MAP3K7CL: variants seen among roughly 807,000 people sequenced by gnomAD.
MAP3K7CL encodes the protein MAP3K7 C-terminal-like protein.
Under a neutral mutation model 18.6 loss-of-function variants are expected in MAP3K7CL, and 16 were observed. That is an observed-to-expected ratio of 0.86 (90% CI 0.58 to 1.31). The LOEUF (loss-of-function observed/expected upper bound fraction) is 1.31. Ranked by LOEUF, MAP3K7CL falls within the 50% of genes most tolerant of loss-of-function variation. The pLI is 0.00. For synonymous variants in MAP3K7CL, 65 were observed against 66.8 expected, an observed-to-expected ratio of 0.97 and a Z score of 0.13; for missense variants, 163 against 174.4, an observed-to-expected ratio of 0.93 and a Z score of 0.37.
At chr21:29,108,214 T>C (rs2086357292) in intron 4 of MAP3K7CL, among the ~76,000 whole-genome samples, 1 of 152,156 alleles carries the variant, frequency 6.6e-6, no homozygotes, top group African/African-American at 2.4e-5. Context: ...CCTGATCAGA[T>C]AGGCTTAGTG....
chr21:29,147,374 GT>G (rs1192983590), intron 2 of MAP3K7CL, among the ~76,000 whole-genome samples: 2 of 151,786 alleles, frequency 1.3e-5, no homozygotes, highest in South Asian at 2.1e-4. Flanking sequence ...TGTATGTACT[GT>G]ATATGTATAT....
intron 4 of MAP3K7CL, among the ~76,000 whole-genome samples, chr21:29,113,023 A>C (rs973912638): frequency 2.0e-5 from 3 of 152,082 alleles, no homozygotes; most frequent in African/African-American, 7.2e-5. Flanking sequence ...TGGCCAGGCT[A>C]GTCTCAAACT....
intron 4 of MAP3K7CL, among the ~76,000 whole-genome samples, chr21:29,095,382 T>G (rs879651037): frequency 5.3e-5 from 8 of 152,198 alleles, no homozygotes; most frequent in Non-Finnish European, 1.2e-4. Context: ...GGGCTCATTT[T>G]TCTTGCCTGT....
intron 4 of MAP3K7CL, among the ~76,000 whole-genome samples, chr21:29,110,436 G>A (rs944178901): frequency 6.6e-6 from 1 of 150,748 alleles, no homozygotes; most frequent in Non-Finnish European, 1.5e-5. Flanking sequence ...TCTATCTGTT[G>A]CCCAGGCTGC....
intron 4 of MAP3K7CL, among the ~76,000 whole-genome samples, chr21:29,105,820 G>A (rs1157379282): frequency 2.0e-5 from 3 of 152,082 alleles, no homozygotes; most frequent in African/African-American, 7.2e-5. Context: ...GTTGATGCTT[G>A]GATAGAAAAA....
intron 2 of MAP3K7CL, among the ~76,000 whole-genome samples, chr21:29,134,358 T>A (rs1321178188): frequency 6.6e-6 from 1 of 151,788 alleles, no homozygotes; most frequent in Non-Finnish European, 1.5e-5. Context: ...ATCTCTATTT[T>A]AAAAAAAGTA....
At chr21:29,111,101 A>G (rs2086411528) in intron 4 of MAP3K7CL, among the ~76,000 whole-genome samples, 1 of 151,982 alleles carries the variant, frequency 6.6e-6, no homozygotes, top group Admixed American at 6.6e-5. Flanking sequence ...CTAAATATAC[A>G]AAAACTTAGC....
intron 4 of MAP3K7CL, among the ~76,000 whole-genome samples, chr21:29,120,670 T>TTTTCTTTC (rs140249328): frequency 6.6e-6 from 1 of 150,516 alleles, no homozygotes; most frequent in South Asian, 2.1e-4. Flanking sequence ...CTTTCTTTCT[T>TTTTCTTTC]TTTCTTTCTT....
intron 4 of MAP3K7CL, chr21:29,122,108 T>C (rs529310411): frequency 6.6e-6 from 1 of 152,386 alleles, no homozygotes; most frequent in Admixed American, 6.5e-5. Flanking sequence ...TGTAGTTAAG[T>C]TGTAAAACAG....
intron 4 of MAP3K7CL, among the ~76,000 whole-genome samples, chr21:29,115,708 G>A (rs1339297058): frequency 6.6e-6 from 1 of 152,134 alleles, no homozygotes; most frequent in Non-Finnish European, 1.5e-5. Flanking sequence ...TGAAAATGCT[G>A]GGCCCCTTGT....
At chr21:29,148,282 T>C (rs994835276) in intron 2 of MAP3K7CL, among the ~76,000 whole-genome samples, 1 of 152,106 alleles carries the variant, frequency 6.6e-6, no homozygotes, top group African/African-American at 2.4e-5. Flanking sequence ...ACCTTTACTG[T>C]ACATATATGT....
chr21:29,085,349 T>A (rs1440169986), upstream of MAP3K7CL, among the ~76,000 whole-genome samples: 1 of 152,100 alleles, frequency 6.6e-6, no homozygotes, highest in Non-Finnish European at 1.5e-5. Flanking sequence ...CACGTAGCCG[T>A]GTATTATGCT....
intron 4 of MAP3K7CL, among the ~76,000 whole-genome samples, chr21:29,167,693 A>ATT (rs35549023): frequency 2.9e-4 from 31 of 107,486 alleles, no homozygotes; most frequent in Non-Finnish European, 3.9e-4. Flanking sequence ...AGAAGGACCA[A>ATT]TTTTTTTTTT....
chr21:29,085,108 C>G (rs932002814), upstream of MAP3K7CL: 15 of 152,176 alleles, frequency 9.9e-5, no homozygotes, highest in African/African-American at 3.4e-4. Context: ...CGGGGTCCTT[C>G]TGGACTGAGA....
At chr21:29,099,572 C>G (rs1198481474) in intron 4 of MAP3K7CL, among the ~76,000 whole-genome samples, 2 of 152,262 alleles carry the variant, frequency 1.3e-5, no homozygotes, top group South Asian at 4.1e-4. Flanking sequence ...CTGCTTTGTT[C>G]CACATGTTCC....
At chr21:29,089,007 T>A (rs2085973310) in intron 1 of MAP3K7CL, among the ~76,000 whole-genome samples, 1 of 151,690 alleles carries the variant, frequency 6.6e-6, no homozygotes, top group Admixed American at 6.6e-5. Flanking sequence ...CCGTCTCTAC[T>A]AAAAATACAA....
At chr21:29,155,336 C>T (rs1007577918) in intron 3 of MAP3K7CL, among the ~76,000 whole-genome samples, 7 of 152,126 alleles carry the variant, frequency 4.6e-5, no homozygotes, top group Non-Finnish European at 1.0e-4. Flanking sequence ...AAATATATCT[C>T]CTGTGTGGGA....
rs2087933959 is a variant in MAP3K7CL at position 29,174,966 on chromosome 21, GAAT to G, written c.*76_*78del. On this transcript the variant is annotated 3_prime_UTR_variant, in exon 5 of 5. Transcript: ENST00000399928. ...TGGCCAAAAGATTTTTATTTTAAAT[GAAT>G]AGTGAGTCAGATCTATTGCTTCTCT... 1 of 1,397,354 alleles carries G rather than the reference GAAT, an allele frequency of 7.2e-7. No individual in the cohort carries two copies. Among genetic ancestry groups the G allele is most frequent in the Admixed American group, 2.3e-5 (1 of 44,352 alleles). The allele number at this position is 1,397,354 out of a possible 1,614,324, so 86.6% of individuals were successfully genotyped here. A position where few individuals can be genotyped will look rare whatever the true frequency, so the allele number is the denominator to read the frequency against.
At chr21:29,099,125 C>T (rs937929989) in intron 4 of MAP3K7CL, among the ~76,000 whole-genome samples, 2 of 152,066 alleles carry the variant, frequency 1.3e-5, no homozygotes, top group African/African-American at 4.8e-5. Flanking sequence ...AGGGCCTGCT[C>T]TTTCCCCCAG....
Sources: allele counts gnomAD v4.1 joint callset (sites outside exome capture counted in the v4.1 genomes callset), GRCh38; gene constraint gnomAD v4.1.1; transcripts MANE v1.5; gene names NCBI Gene and HGNC (gene_info 2026-07-23, HGNC 2026-07-21).